Variants in DDX51 observed in about 807,000 individuals in gnomAD.
The protein encoded by DDX51 is ATP-dependent RNA helicase DDX51.
DDX51 carries 67 observed loss-of-function variants against 74.6 expected under a neutral mutation model. The ratio of observed to expected loss-of-function variants is 0.90; its 90% CI spans 0.74 to 1.10. DDX51 has a LOEUF of 1.10. Ranked by LOEUF, DDX51 falls within the 50% of genes least tolerant of loss-of-function variation. DDX51 has a pLI of 0.00. For missense variants in DDX51, 1,056 were observed against 905.2 expected (o/e 1.17, Z -2.14); for synonymous variants, 545 against 402.9 (o/e 1.35, Z -4.22).
At chr12:132,143,674 C>T in intron 2 of DDX51, 21 bp downstream of exon 2, 3 of 1,536,996 alleles carry the variant, frequency 2.0e-6, no homozygotes, top group East Asian at 2.5e-5. Context: ...GCCGACCACC[C>T]TCCCGCCCGC....
At chr12:132,141,740 G>T in intron 6 of DDX51, 110 bp downstream of exon 6, 1 of 1,465,158 alleles carries the variant, frequency 6.8e-7, no homozygotes, top group East Asian at 2.3e-5. Flanking sequence ...CCTCTTCACG[G>T]GAACAGGTGG....
In DDX51 at chr12:132,142,881, G is replaced by T. The variant is rs375231212; in HGVS notation, c.520-3C>A. On this transcript the variant is annotated splice_polypyrimidine_tract_variant and splice_region_variant and intron_variant, in intron 2 of 14. Coordinates refer to ENST00000397333, the MANE Select transcript of DDX51 (RefSeq NM_175066.4). ...CACCTTGGCAGGAAAGGCTGGACCT[G>T]CCATCAAAAAGAAAGAGAGGCCAGG... 6.3e-5 allele frequency: 101 copies of T among 1,612,414 alleles called. No homozygotes were observed. Among genetic ancestry groups the T allele is most frequent in the Non-Finnish European group, 7.8e-5 (92 of 1,179,994 alleles).
At chr12:132,141,176 G>A in intron 8 of DDX51, 99 bp downstream of exon 8, 1 of 1,507,616 alleles carries the variant, frequency 6.6e-7, no homozygotes. Context: ...CTGTGCACCA[G>A]AGCTCAAGCC....
rs545834247 is a variant in DDX51 at position 132,140,212 on chromosome 12, G to A, written c.1674-13C>T. 91 of 1,609,376 alleles carry A rather than the reference G, an allele frequency of 5.7e-5. No homozygotes were observed. Among genetic ancestry groups the A allele is most frequent in the Middle Eastern group, 3.3e-4 (2 of 6,030 alleles). Reference sequence around the variant, plus strand: ...CGTGCTGATGAGCCTGCCGGGACACGCAGCATTGTGGGCCCGACGTGCCAG... The same window carrying A: ...CGTGCTGATGAGCCTGCCGGGACACACAGCATTGTGGGCCCGACGTGCCAG... On this transcript the variant is annotated splice_polypyrimidine_tract_variant and intron_variant, in intron 11 of 14. Transcript: ENST00000397333.
In DDX51 at chr12:132,137,288, C is replaced by A. The variant is rs1368651243; in HGVS notation, c.*1984G>T. 2 of 152,152 alleles carry A rather than the reference C, an allele frequency of 1.3e-5. No individual in the cohort carries two copies. The highest frequency in any genetic ancestry group is 1.3e-4 in the Admixed American group (2 of 15,274). The allele number at this position is 152,152 out of a possible 1,614,324, so 9.4% of individuals were successfully genotyped here. ...AAGTTTGGTGATCACCCAGGAGACACCCCCCGCACTCCTGTGCCCGAGCTG... is the reference window on the plus strand; with the variant it reads ...AAGTTTGGTGATCACCCAGGAGACAACCCCCGCACTCCTGTGCCCGAGCTG... On this transcript the variant is annotated 3_prime_UTR_variant, in exon 15 of 15. Transcript: ENST00000397333.
At position 132,139,081 on chromosome 12, in the gene DDX51, G is replaced by A. The variant is rs73164953; in HGVS notation, c.*191C>T. The A allele has an allele frequency of 5.0e-3, 3,678 of 735,248 alleles. 89 individuals carry two copies. In the African/African-American group the frequency reaches 0.057, roughly 11 times the overall value. The allele number at this position is 735,248 out of a possible 1,614,324, so 45.5% of individuals were successfully genotyped here. A position where few individuals can be genotyped will look rare whatever the true frequency, so the allele number is the denominator to read the frequency against. ...CACTCTGAAAGTGACAAGCCCTGAA[G>A]TCTCCAGTCGGGGCAGGTGCTTGAG... On this transcript the variant is annotated 3_prime_UTR_variant, in exon 15 of 15. Transcript: ENST00000397333.
chr12:132,139,491 G>C, intron 14 of DDX51, 144 bp downstream of exon 14: 2 of 1,567,022 alleles, frequency 1.3e-6, no homozygotes, highest in Non-Finnish European at 1.8e-6. Flanking sequence ...CCGCCCTTGG[G>C]CCAGAAGCTC....
At position 132,141,913 on chromosome 12, in the gene DDX51, C is replaced by T; in HGVS notation, c.932G>A (p.Arg311Lys). ...FNIYTDATPL[R>K]VSLVTGQKSL... The stretch of plus-strand genomic sequence containing the variant: ...CTTCTGTCCCGTAACCAGGGAGACT[C>T]TCAGAGGTGTGGCATCTGTGTAGAT... Residue 311 changes from arginine to lysine, a missense_variant, in exon 6 of 15, where the codon AGA becomes AAA. Physicochemically the swap from Arg to Lys is conservative, Grantham distance 26. Transcript: ENST00000397333. The T allele has an allele frequency of 6.2e-7, 1 of 1,613,234 alleles. No homozygotes were observed. Among genetic ancestry groups the T allele is most frequent in the Non-Finnish European group, 8.5e-7 (1 of 1,180,014 alleles).
chr12:132,141,715 C>T, intron 6 of DDX51, 109 bp from the exon 7 acceptor site: 1 of 1,449,448 alleles, frequency 6.9e-7, no homozygotes, highest in Non-Finnish European at 9.4e-7. Flanking sequence ...GGGAAGGGGG[C>T]CGGTGGGAGC....
chr12:132,141,077 G>A lies in DDX51; in HGVS notation c.1251-57C>T, dbSNP rs1159687488. On this transcript the variant is annotated intron_variant, in intron 8 of 14. Coordinates refer to ENST00000397333, the MANE Select transcript of DDX51 (RefSeq NM_175066.4). ...ACCAGTGGCTGCCCCGAACCTCCAGGGAACAGGATTCCTCATGCTACGCAC... is the reference window on the plus strand; with the variant it reads ...ACCAGTGGCTGCCCCGAACCTCCAGAGAACAGGATTCCTCATGCTACGCAC... 8.4e-6 allele frequency: 13 copies of A among 1,541,704 alleles called. No homozygotes were observed. The South Asian group carries it at 8.7e-5, about 10-fold the overall frequency.
At chr12:132,141,052 A>G (rs1266209584) in intron 8 of DDX51, 32 bp from the exon 9 acceptor site, 2 of 1,563,512 alleles carry the variant, frequency 1.3e-6, no homozygotes, top group Non-Finnish European at 8.6e-7. Flanking sequence ...CTGGCACCCT[A>G]CCAGTGGCTG....
At position 132,138,625 on chromosome 12, in the gene DDX51, A is replaced by ATT. The variant is rs112928855; in HGVS notation, c.*645_*646dup. 5,396 of 134,500 alleles carry ATT rather than the reference A, an allele frequency of 0.04. 102 individuals are homozygous for ATT. The highest frequency in any genetic ancestry group is 0.059 in the Middle Eastern group (13 of 220). 8.3% of individuals were successfully genotyped at this position (134,500 alleles called of 1,614,324 possible). On this transcript the variant is annotated 3_prime_UTR_variant, in exon 15 of 15. Transcript: ENST00000397333. ...CAGGCATTTGCCACCGCGCCCGGCA[A>ATT]TTTTTTTTTTTGAGACGGAGTTTTG...
At chr12:132,140,335 G>C in intron 11 of DDX51, 88 bp downstream of exon 11, 6 of 1,573,296 alleles carry the variant, frequency 3.8e-6, no homozygotes, top group Non-Finnish European at 5.2e-6. Flanking sequence ...CCAATTTGCA[G>C]AAGGAAGCAC....
At position 132,140,690 on chromosome 12, in the gene DDX51, G is replaced by T; in HGVS notation, c.1486C>A (p.Leu496Met). 6.2e-7 allele frequency: 1 copy of T among 1,613,100 alleles called. No homozygotes were observed. The highest frequency in any genetic ancestry group is 1.3e-5 in the African/African-American group (1 of 75,068). The change falls in exon 10 of 15, where the codon CTG (leucine) becomes ATG (methionine). Residue 496 changes from leucine (L) to methionine (M), a missense_variant. Coordinates refer to ENST00000397333, the MANE Select transcript of DDX51 (RefSeq NM_175066.4). The stretch of plus-strand genomic sequence containing the variant: ...AAGCCCATCTCCAGGACCAGGTGCA[G>T]GACGACCAGCGGCTTAGAGCTGAGG... ...CSLSSKPLVV[L>M]HLVLEMGFSR...
chr12:132,140,015 A>G, intron 12 of DDX51, 83 bp downstream of exon 12: 4 of 1,605,776 alleles, frequency 2.5e-6, no homozygotes, highest in Non-Finnish European at 3.4e-6. Flanking sequence ...ACCCCACCCC[A>G]CGCCAGTCAA....
intron 2 of DDX51, chr12:132,143,320 C>G (rs776838033): frequency 2.3e-6 from 1 of 430,762 alleles, no homozygotes; most frequent in African/African-American, 2.1e-5. Context: ...CTTCACCTGT[C>G]TCGCCGGAAA....
At position 132,142,810 on chromosome 12, in the gene DDX51, C is replaced by A; in HGVS notation, c.588G>T (p.Leu196=). The A allele has an allele frequency of 1.2e-6, 2 of 1,613,096 alleles. No homozygotes were observed. Among genetic ancestry groups the A allele is most frequent in the Non-Finnish European group, 1.7e-6 (2 of 1,180,028 alleles). Residue 196 remains leucine (L), a synonymous_variant, in exon 3 of 15, where the codon CTG becomes CTT. Coordinates refer to ENST00000397333, the MANE Select transcript of DDX51 (RefSeq NM_175066.4). ...NCVRRNVTED[L]VPIEDIPDVH... ...CGTCAGGGATGTCCTCGATAGGAAC[C>A]AGGTCTTCGGTGACATTCCTTCTGA...
At chr12:132,142,675 G>C (rs1338751568) in intron 3 of DDX51, 53 bp downstream of exon 3, 2 of 1,601,098 alleles carry the variant, frequency 1.2e-6, no homozygotes, top group Non-Finnish European at 1.7e-6. Flanking sequence ...ACAGCCTTGT[G>C]TGTGGGTGCC....
Position 132,142,708 on chromosome 12 carries a change from C to T in DDX51, c.670+20G>A. 6.2e-7 allele frequency: 1 copy of T among 1,611,356 alleles called. No homozygotes were observed. The highest frequency in any genetic ancestry group is 1.1e-5 in the South Asian group (1 of 91,052). On this transcript the variant is annotated intron_variant, in intron 3 of 14. Transcript: ENST00000397333. ...GCCCAGGGAGGTGTTCCCTCAGCTGCCTGCCCGGGGCTGGGGCACCTGGAA... is the reference window on the plus strand; with the variant it reads ...GCCCAGGGAGGTGTTCCCTCAGCTGTCTGCCCGGGGCTGGGGCACCTGGAA...
Sources: allele counts gnomAD v4.1 joint callset, GRCh38; gene constraint gnomAD v4.1.1; transcripts MANE v1.5; gene names NCBI Gene and HGNC (gene_info 2026-07-23, HGNC 2026-07-21).